ITGB5: variants seen among roughly 807,000 people sequenced by gnomAD.
ITGB5 encodes the protein integrin beta-5.
A neutral mutation model predicts 84.8 loss-of-function variants in ITGB5; 38 were observed. The observed-to-expected ratio is 0.45, with a 90% CI of 0.35 to 0.59. The LOEUF is 0.59. Among genes scored for constraint, ITGB5 ranks in the 20% least tolerant of loss-of-function variants. ITGB5 has a pLI of 0.01. For synonymous variants in ITGB5, 393 were observed against 414.4 expected, an observed-to-expected ratio of 0.95 and a Z score of 0.63; for missense variants, 905 against 1,034.5, an observed-to-expected ratio of 0.87 and a Z score of 1.72.
intron 10 of ITGB5, among the ~76,000 whole-genome samples, chr3:124,785,959 T>C (rs1001101049): frequency 2.6e-5 from 4 of 152,324 alleles, no homozygotes; most frequent in East Asian, 1.9e-4. Flanking sequence ...AATGAGCTAA[T>C]TGTTTACCTG....
intron 8 of ITGB5, among the ~76,000 whole-genome samples, chr3:124,811,691 C>T (rs1001288716): frequency 6.6e-6 from 1 of 152,200 alleles, no homozygotes; most frequent in Non-Finnish European, 1.5e-5. Flanking sequence ...CCATAAGCCC[C>T]ATGTTCTGAT....
chr3:124,773,867 T>G lies in ITGB5; in HGVS notation c.1739A>C (p.Tyr580Ser). Reference protein sequence around the residue: ...HCGECKCHAGYIGDNCNCSTD... With the variant: ...HCGECKCHAGSIGDNCNCSTD... ...CGAGCAGTTACAGTTGTCCCCGATG[T>G]AACCTGCATGGCACTTGCATTCCCC... Residue 580 changes from tyrosine to serine, a missense_variant, in exon 11 of 15, where the codon TAC becomes TCC. By Grantham distance (144) the Tyr-to-Ser change is moderately radical. This residue lies in a region of ITGB5 where 116 missense variants were observed against 177.0 expected (regional missense o/e 0.66). Coordinates refer to ENST00000296181, the MANE Select transcript of ITGB5 (RefSeq NM_002213.5). The G allele has an allele frequency of 6.2e-7, 1 of 1,614,238 alleles. No individual in the cohort carries two copies. Among genetic ancestry groups the G allele is most frequent in the African/African-American group, 1.3e-5 (1 of 75,078 alleles).
At chr3:124,775,718 C>T (rs1412471592) in intron 10 of ITGB5, among the ~76,000 whole-genome samples, 2 of 152,210 alleles carry the variant, frequency 1.3e-5, no homozygotes, top group African/African-American at 4.8e-5. Flanking sequence ...ACATCTGAGT[C>T]AGTTACCTGG....
chr3:124,851,939 T>C (rs990656680), intron 3 of ITGB5, among the ~76,000 whole-genome samples: 1 of 152,138 alleles, frequency 6.6e-6, no homozygotes, highest in Non-Finnish European at 1.5e-5. Flanking sequence ...CCTCTAACGT[T>C]AACAGCCTGA....
intron 14 of ITGB5, among the ~76,000 whole-genome samples, chr3:124,763,934 G>A (rs952608749): frequency 6.6e-6 from 1 of 152,218 alleles, no homozygotes; most frequent in African/African-American, 2.4e-5. Context: ...TCTGGAAGGA[G>A]GAGTTGGGTC....
chr3:124,817,140 C>T (rs2064614014), intron 8 of ITGB5, among the ~76,000 whole-genome samples: 1 of 152,202 alleles, frequency 6.6e-6, no homozygotes, highest in African/African-American at 2.4e-5. Flanking sequence ...CCCTGAGCTC[C>T]ATGAGCCTGA....
intron 9 of ITGB5, among the ~76,000 whole-genome samples, chr3:124,805,423 G>A (rs2107531043): frequency 6.6e-6 from 1 of 152,020 alleles, no homozygotes; most frequent in Middle Eastern, 3.4e-3. Flanking sequence ...GATTATAGGT[G>A]TGAGTCACTG....
chr3:124,782,032 T>C (rs1023976852), intron 10 of ITGB5, among the ~76,000 whole-genome samples: 1 of 152,242 alleles, frequency 6.6e-6, no homozygotes, highest in African/African-American at 2.4e-5. Context: ...CAATGTTTAC[T>C]GCCTTCTGGG....
intron 3 of ITGB5, among the ~76,000 whole-genome samples, chr3:124,852,328 T>C (rs2065169330): frequency 6.6e-6 from 1 of 152,040 alleles, no homozygotes; most frequent in Admixed American, 6.5e-5. Flanking sequence ...TTCCACGTAA[T>C]TCCTGCCAGC....
chr3:124,873,411 C>G, intron 2 of ITGB5, 35 bp downstream of exon 2: 13 of 1,416,340 alleles, frequency 9.2e-6, no homozygotes, highest in Non-Finnish European at 1.3e-5. Flanking sequence ...TCGCAGCATT[C>G]CTTCCCTTCT....
rs149533756 is a variant in ITGB5, at chr3:124,808,941, A to G, written c.1263+81T>C. On this transcript the variant is annotated intron_variant, in intron 9 of 14. Transcript: ENST00000296181. ...AATATAAATTCCGAAAGGACTCTTA[A>G]TAAGTCACAAAAGTTATTAGAACCC... 441 of 1,475,142 alleles carry G rather than the reference A, an allele frequency of 3.0e-4. 2 individuals are homozygous for G. The highest frequency in any genetic ancestry group is 2.3e-3 in the Middle Eastern group (13 of 5,646). 91.4% of individuals were successfully genotyped at this position (1,475,142 alleles called of 1,614,324 possible).
At position 124,781,881 on chromosome 3, in the gene ITGB5, G is replaced by A. The variant is rs189376338; in HGVS notation, c.1694-7969C>T. 2.9e-3 allele frequency among the ~76,000 whole-genome samples: 435 copies of A among 152,228 alleles called. 1 individual carries two copies. Among genetic ancestry groups the A allele is most frequent in the Non-Finnish European group, 3.8e-3 (259 of 68,024 alleles). ...GAAGTCCTCTCTGAGCAGTGCTGCC[G>A]TGCAACCTCACCCACCTACCTGCTG... On this transcript the variant is annotated intron_variant, in intron 10 of 14. Coordinates refer to ENST00000296181, the MANE Select transcript of ITGB5 (RefSeq NM_002213.5).
At chr3:124,850,376 G>A (rs1461546426) in intron 3 of ITGB5, among the ~76,000 whole-genome samples, 1 of 152,046 alleles carries the variant, frequency 6.6e-6, no homozygotes, top group Non-Finnish European at 1.5e-5. Context: ...TTTATGAGCA[G>A]TACAGGCTTG....
intron 1 of ITGB5, among the ~76,000 whole-genome samples, chr3:124,896,086 G>A (rs1013427657): frequency 2.2e-4 from 34 of 152,168 alleles, no homozygotes; most frequent in Admixed American, 2.0e-3. Context: ...CATAGAAGAC[G>A]GAATGCCTGT....
At chr3:124,877,376 C>T (rs1309138418) in intron 1 of ITGB5, among the ~76,000 whole-genome samples, 1 of 151,916 alleles carries the variant, frequency 6.6e-6, no homozygotes, top group Non-Finnish European at 1.5e-5. Flanking sequence ...TGGTCAAATC[C>T]CCGTACCTGT....
chr3:124,877,866 C>T (rs775133647), intron 1 of ITGB5, among the ~76,000 whole-genome samples: 1 of 151,684 alleles, frequency 6.6e-6, no homozygotes, highest in African/African-American at 2.4e-5. Context: ...TTTTTTTAGA[C>T]AGAGTCTTGC....
intron 2 of ITGB5, among the ~76,000 whole-genome samples, chr3:124,865,105 T>C (rs997843600): frequency 1.3e-5 from 2 of 152,216 alleles, no homozygotes; most frequent in Non-Finnish European, 2.9e-5. Flanking sequence ...TCCATCCTTC[T>C]GAAGGCAGCA....
intron 1 of ITGB5, among the ~76,000 whole-genome samples, chr3:124,875,923 C>A (rs1408815428): frequency 1.3e-5 from 2 of 152,082 alleles, no homozygotes; most frequent in East Asian, 3.9e-4. Flanking sequence ...GTCACTTATA[C>A]GTGGAGTGGA....
At chr3:124,807,845 G>A (rs1156439197) in intron 9 of ITGB5, among the ~76,000 whole-genome samples, 1 of 149,720 alleles carries the variant, frequency 6.7e-6, no homozygotes, top group African/African-American at 2.5e-5. Flanking sequence ...AGGAGGCTGA[G>A]GCAGGAGAAT....
Sources: allele counts gnomAD v4.1 joint callset (sites outside exome capture counted in the v4.1 genomes callset), GRCh38; gene constraint gnomAD v4.1.1; regional missense constraint gnomAD v4.1.1; transcripts MANE v1.5; gene names NCBI Gene and HGNC (gene_info 2026-07-23, HGNC 2026-07-21).